The following PLXNA4 variants were observed in gnomAD, a reference collection of about 807,000 sequenced individuals.
The protein encoded by PLXNA4 is plexin-A4.
Under a neutral mutation model 191.8 loss-of-function variants are expected in PLXNA4, and 44 were observed. That is an observed-to-expected ratio of 0.23 (90% CI 0.18 to 0.29). The LOEUF (loss-of-function observed/expected upper bound fraction) is 0.29. Ranked by LOEUF, PLXNA4 falls within the 10% of genes least tolerant of loss-of-function variation. PLXNA4 has a pLI of 1.00. For synonymous variants in PLXNA4, 1,082 were observed against 1,009.5 expected, an observed-to-expected ratio of 1.07 and a Z score of -1.36; for missense variants, 1,800 against 2,488.8, an observed-to-expected ratio of 0.72 and a Z score of 5.89.
intron 3 of PLXNA4, among the ~76,000 whole-genome samples, chr7:132,350,738 A>G (rs1051142663): frequency 6.6e-6 from 1 of 152,176 alleles, no homozygotes; most frequent in Non-Finnish European, 1.5e-5. Flanking sequence ...GCACCTTCTC[A>G]AGTGGTGAAA....
At chr7:132,486,243 C>T (rs1797553204) in intron 3 of PLXNA4, among the ~76,000 whole-genome samples, 1 of 152,218 alleles carries the variant, frequency 6.6e-6, no homozygotes, top group African/African-American at 2.4e-5. Context: ...TGCAGCTCCA[C>T]AACTTGTCAC....
chr7:132,408,398 T>C (rs182647941), intron 3 of PLXNA4, among the ~76,000 whole-genome samples: 181 of 152,304 alleles, frequency 1.2e-3, no homozygotes, highest in Middle Eastern at 6.8e-3. Flanking sequence ...CTAAATGTTT[T>C]AAATAAACAA....
intron 30 of PLXNA4, among the ~76,000 whole-genome samples, chr7:132,136,150 G>A (rs113084415): frequency 9.2e-5 from 14 of 152,248 alleles, no homozygotes; most frequent in African/African-American, 3.1e-4. Flanking sequence ...TGTGCCTGAC[G>A]CTGACTCATG....
chr7:132,255,572 T>C (rs1799403391), intron 4 of PLXNA4, among the ~76,000 whole-genome samples: 1 of 152,198 alleles, frequency 6.6e-6, no homozygotes, highest in Non-Finnish European at 1.5e-5. Flanking sequence ...GCTGAATACT[T>C]CAGCCCTCAG....
chr7:132,624,378 T>C (rs887146270), intron 2 of PLXNA4, among the ~76,000 whole-genome samples: 8 of 152,208 alleles, frequency 5.3e-5, no homozygotes, highest in South Asian at 2.1e-4. Context: ...TTAGCTCCCA[T>C]GGCTACAGGT....
intron 3 of PLXNA4, among the ~76,000 whole-genome samples, chr7:132,485,603 G>T (rs1563126793): frequency 6.6e-6 from 1 of 152,176 alleles, no homozygotes; most frequent in African/African-American, 2.4e-5. Context: ...GGTTTGCTTG[G>T]CCCTAAAGCC....
intron 4 of PLXNA4, among the ~76,000 whole-genome samples, chr7:132,283,889 CA>C (rs1800582347): frequency 6.6e-6 from 1 of 152,202 alleles, no homozygotes; most frequent in African/African-American, 2.4e-5. Flanking sequence ...CCACTTAACT[CA>C]AGGGCTGGAT....
intron 1 of PLXNA4, among the ~76,000 whole-genome samples, chr7:132,564,039 C>T (rs1300663075): frequency 8.4e-5 from 1 of 11,938 alleles, no homozygotes; most frequent in African/African-American, 3.1e-4. Context: ...TCCTTCTCCT[C>T]CTTTTCCTCC....
upstream of PLXNA4, among the ~76,000 whole-genome samples, chr7:132,579,409 C>T (rs939881367): frequency 1.3e-5 from 2 of 151,436 alleles, no homozygotes; most frequent in South Asian, 2.1e-4. Flanking sequence ...CTTTTTCCTC[C>T]TCATATCGGT....
intron 1 of PLXNA4, among the ~76,000 whole-genome samples, chr7:132,535,984 C>T (rs1289014039): frequency 6.6e-6 from 1 of 152,144 alleles, no homozygotes; most frequent in African/African-American, 2.4e-5. Context: ...AAGCCAGGCT[C>T]CAGAATCTCT....
intron 2 of PLXNA4, among the ~76,000 whole-genome samples, chr7:132,504,987 C>T (rs1798400321): frequency 2.0e-5 from 3 of 152,282 alleles, no homozygotes; most frequent in South Asian, 4.1e-4. Context: ...CAAAGGAACT[C>T]GGGTATCTGC....
chr7:132,275,457 G>A (rs886840545), intron 4 of PLXNA4, among the ~76,000 whole-genome samples: 3 of 151,998 alleles, frequency 2.0e-5, no homozygotes, highest in Non-Finnish European at 4.4e-5. Context: ...ATTTCATCAC[G>A]ACCATAAAAC....
intron 21 of PLXNA4, 125 bp downstream of exon 21, chr7:132,174,653 G>A: frequency 6.9e-7 from 1 of 1,440,886 alleles, no homozygotes; most frequent in East Asian, 2.3e-5. Flanking sequence ...ACAATCTGGG[G>A]GACCTTGGGC....
chr7:132,639,746 G>C (rs886729538), intron 2 of PLXNA4, among the ~76,000 whole-genome samples: 3 of 152,166 alleles, frequency 2.0e-5, no homozygotes, highest in Non-Finnish European at 2.9e-5. Flanking sequence ...GGAAACAAAT[G>C]CAAGCAATTT....
intron 3 of PLXNA4, among the ~76,000 whole-genome samples, chr7:132,417,200 C>T (rs764743312): frequency 1.3e-5 from 2 of 152,124 alleles, no homozygotes; most frequent in Admixed American, 6.6e-5. Context: ...TCACTTACCA[C>T]GGACCAGGGC....
intron 3 of PLXNA4, among the ~76,000 whole-genome samples, chr7:132,424,252 GC>G (rs1259672338): frequency 1.3e-5 from 2 of 152,120 alleles, no homozygotes; most frequent in Non-Finnish European, 2.9e-5. Context: ...CTGCTGGTCT[GC>G]CCCCCGCTCC....
At chr7:132,238,643 G>A (rs888267385) in intron 5 of PLXNA4, among the ~76,000 whole-genome samples, 1 of 152,220 alleles carries the variant, frequency 6.6e-6, no homozygotes, top group Non-Finnish European at 1.5e-5. Context: ...ATGGAAACAC[G>A]AATAAGATAT....
At chr7:132,318,042 G>A (rs545463706) in intron 3 of PLXNA4, among the ~76,000 whole-genome samples, 3 of 152,310 alleles carry the variant, frequency 2.0e-5, no homozygotes, top group South Asian at 2.1e-4. Flanking sequence ...CGAGTAACCC[G>A]GTCAAAGAAA....
intron 2 of PLXNA4, 37 bp from the exon 3 acceptor site, chr7:132,489,511 G>T (rs377391340): frequency 6.7e-7 from 1 of 1,486,630 alleles, no homozygotes; most frequent in African/African-American, 1.4e-5. Context: ...AGAAGGGAGC[G>T]TCAAGGAAAT....
Sources: allele counts gnomAD v4.1 joint callset (sites outside exome capture counted in the v4.1 genomes callset), GRCh38; gene constraint gnomAD v4.1.1; transcripts MANE v1.5; gene names NCBI Gene and HGNC (gene_info 2026-07-23, HGNC 2026-07-21).